Variants in DENND4C observed in about 807,000 individuals in gnomAD.
DENND4C encodes DENN domain containing 4C, also known as DENN domain-containing protein 4C.
In DENND4C, 108 loss-of-function variants were observed where a neutral mutation model predicts 203.0. The ratio of observed to expected loss-of-function variants is 0.53; its 90% confidence interval spans 0.46 to 0.62. The LOEUF is 0.62. Ranked by LOEUF, DENND4C falls within the 20% of genes least tolerant of loss-of-function variation. The pLI is 0.00. For missense variants in DENND4C, 2,481 were observed against 2,301.2 expected (o/e 1.08, Z -1.60); for synonymous variants, 871 against 792.4 (o/e 1.10, Z -1.67).
chr9:19,372,280 G>C lies in DENND4C; in HGVS notation c.*107G>C. On this transcript the variant is annotated 3_prime_UTR_variant, in exon 33 of 33. Transcript: ENST00000434457. The stretch of plus-strand genomic sequence containing the variant: ...CGTAAGAACTGGTGAATACGGAATT[G>C]AAGTAACTCTTGGGGACAATATATA... 2.2e-6 allele frequency: 3 copies of C among 1,344,898 alleles called. No homozygotes were observed. Among genetic ancestry groups the C allele is most frequent in the Non-Finnish European group, 3.1e-6 (3 of 980,282 alleles). 83.3% of individuals were successfully genotyped at this position (1,344,898 alleles called of 1,614,324 possible). A position where few individuals can be genotyped will look rare whatever the true frequency, so the allele number is the denominator to read the frequency against.
intron 25 of DENND4C, 122 bp downstream of exon 25, chr9:19,352,304 G>A: frequency 9.4e-7 from 1 of 1,062,562 alleles, no homozygotes; most frequent in Middle Eastern, 2.3e-4. Flanking sequence ...TCATTTTGTT[G>A]AATTTGCTTG....
chr9:19,295,331 C>G (rs537858000), intron 5 of DENND4C, among the ~76,000 whole-genome samples: 1 of 152,152 alleles, frequency 6.6e-6, no homozygotes, highest in Non-Finnish European at 1.5e-5. Context: ...CGGTGAAACC[C>G]TGTCTCTACT....
intron 1 of DENND4C, among the ~76,000 whole-genome samples, chr9:19,233,301 C>G (rs1245452571): frequency 1.3e-5 from 2 of 152,136 alleles, no homozygotes; most frequent in Non-Finnish European, 2.9e-5. Context: ...GTCAGTTTGA[C>G]AGACGTAGCA....
chr9:19,242,783 GTAGCTGGGACTA>G (rs1824103762), intron 1 of DENND4C, among the ~76,000 whole-genome samples: 1 of 151,986 alleles, frequency 6.6e-6, no homozygotes, highest in Non-Finnish European at 1.5e-5. Context: ...AGCCTTCTGA[GTAGCTGGGACTA>G]TAGGCGCATG....
chr9:19,350,928 CT>C (rs375833706), intron 24 of DENND4C, 49 bp downstream of exon 24: 122,673 of 1,035,276 alleles, frequency 0.12, 967 homozygotes, highest in African/African-American at 0.22. Flanking sequence ...ATAGTTTTTG[CT>C]TTTTTTTTTT....
At chr9:19,301,245 C>A (rs1838509339) in intron 9 of DENND4C, among the ~76,000 whole-genome samples, 1 of 151,856 alleles carries the variant, frequency 6.6e-6, no homozygotes, top group Non-Finnish European at 1.5e-5. Context: ...TTGTATAGAA[C>A]TTTAGATGGT....
intron 1 of DENND4C, among the ~76,000 whole-genome samples, chr9:19,268,099 G>A (rs1451334541): frequency 8.0e-6 from 1 of 124,668 alleles, no homozygotes; most frequent in East Asian, 2.5e-4. Context: ...GTAGGTTTTT[G>A]GGTATTTTTT....
At chr9:19,244,215 G>C (rs554966851) in intron 1 of DENND4C, among the ~76,000 whole-genome samples, 171 of 152,186 alleles carry the variant, frequency 1.1e-3, no homozygotes, top group Non-Finnish European at 2.0e-3. Context: ...ATTTTGAGTA[G>C]AGATGGGATT....
At position 19,346,704 on chromosome 9, in the gene DENND4C, C is replaced by T. The variant is rs762695521; in HGVS notation, c.3935C>T (p.Ser1312Phe). 28 of 1,614,020 alleles carry T rather than the reference C, an allele frequency of 1.7e-5. No individual in the cohort carries two copies. The highest frequency in any genetic ancestry group is 2.3e-5 in the Non-Finnish European group (27 of 1,180,034). The change falls in exon 23 of 33, where the codon TCT becomes TTT. Residue 1312 changes from serine (S) to phenylalanine (F), a missense_variant. Ser to Phe is a radical substitution (Grantham distance 155, BLOSUM62 -2). Coordinates refer to ENST00000434457, the MANE Select transcript of DENND4C (RefSeq NM_001330640.2). ...MELHREENRE[S>F]GMTTAFIHAL... ...TTACACAGAGAGGAAAACAGAGAGT[C>T]TGGCATGACTACTGCATTTATTCAT...
intron 5 of DENND4C, among the ~76,000 whole-genome samples, chr9:19,294,289 G>A (rs1010439991): frequency 3.3e-5 from 5 of 152,120 alleles, no homozygotes; most frequent in Middle Eastern, 3.4e-3. Flanking sequence ...ATCTAGTATA[G>A]GAAAGAGAGA....
intron 3 of DENND4C, among the ~76,000 whole-genome samples, chr9:19,287,966 C>G (rs1190175864): frequency 1.3e-5 from 2 of 152,178 alleles, no homozygotes; most frequent in Non-Finnish European, 2.9e-5. Context: ...GATCTCTTGA[C>G]CTTGTGATCC....
At chr9:19,250,530 A>G (rs531836962) in intron 1 of DENND4C, among the ~76,000 whole-genome samples, 153 of 152,212 alleles carry the variant, frequency 1.0e-3, no homozygotes, top group Non-Finnish European at 1.6e-3. Flanking sequence ...ACCCGACCCC[A>G]AAGTCTTAAC....
intron 1 of DENND4C, among the ~76,000 whole-genome samples, chr9:19,246,733 G>C (rs191462979): frequency 1.3e-5 from 2 of 150,388 alleles, no homozygotes; most frequent in African/African-American, 4.9e-5. Context: ...GTTTTTGTTT[G>C]TTTGTTTTAT....
rs762111402 is a variant in DENND4C at position 19,336,258 on chromosome 9, T to C, written c.2590-12T>C. 3 of 1,606,394 alleles carry C rather than the reference T, an allele frequency of 1.9e-6. No individual in the cohort carries two copies. The highest frequency in any genetic ancestry group is 8.5e-7 in the Non-Finnish European group (1 of 1,177,562). On this transcript the variant is annotated splice_polypyrimidine_tract_variant and intron_variant, in intron 18 of 32. Coordinates refer to ENST00000434457, the MANE Select transcript of DENND4C (RefSeq NM_001330640.2). ...CTAATGAACATTATTTTTACCCTTA[T>C]TTTACCTTTAGGTAGTCTTGGAGAG...
intron 26 of DENND4C, 86 bp from the exon 27 acceptor site, chr9:19,356,885 TA>T (rs1220870947): frequency 2.4e-6 from 3 of 1,241,730 alleles, no homozygotes; most frequent in Non-Finnish European, 3.4e-6. Context: ...ATGACTGCTT[TA>T]GCAATAAAAT....
At position 19,233,204 on chromosome 9, in the gene DENND4C, AAT is replaced by A. The variant is rs796783299; in HGVS notation, c.-18+2374_-18+2375del. On this transcript the variant is annotated intron_variant, in intron 1 of 32. Transcript: ENST00000434457. ...CTGTCATAATTTGAATTTCCAGTGT[AAT>A]ATGTTTGCTGAATAGCAAGGGCAGA... is the stretch of plus-strand genomic sequence containing the variant. Among the ~76,000 whole-genome samples, 10 of 152,168 alleles carry A rather than the reference AAT, an allele frequency of 6.6e-5. 1 individual carries two copies. The highest frequency in any genetic ancestry group is 2.4e-4 in the African/African-American group (10 of 41,536).
intron 21 of DENND4C, 118 bp downstream of exon 21, chr9:19,341,232 T>C: frequency 2.5e-6 from 2 of 797,664 alleles, no homozygotes; most frequent in Non-Finnish European, 3.7e-6. Flanking sequence ...GTCTGGCTCC[T>C]AAGATGCTGT....
chr9:19,346,403 A>G lies in DENND4C; in HGVS notation c.3634A>G (p.Ser1212Gly), dbSNP rs1202116661. ...TACATATGAGAGTCTACTAAGTGAT[A>G]GTAACAGTAATCAGTCCAGAGACTT... Reference protein sequence around the residue: ...VDTYESLLSDSNSNQSRDLKT... With the variant: ...VDTYESLLSDGNSNQSRDLKT... The change falls in exon 23 of 33, where the codon AGT becomes GGT. Residue 1212 changes from serine to glycine, a missense_variant. Transcript: ENST00000434457. 11 of 1,614,062 alleles carry G rather than the reference A, an allele frequency of 6.8e-6. No individual in the cohort carries two copies. Among genetic ancestry groups the G allele is most frequent in the Non-Finnish European group, 8.5e-6 (10 of 1,180,028 alleles).
chr9:19,357,425 T>G (rs754119049), intron 27 of DENND4C: 1 of 345,624 alleles, frequency 2.9e-6, no homozygotes, highest in Non-Finnish European at 5.3e-6. Context: ...ATTGCCAGTT[T>G]CCAGAGGCGA....
Sources: gnomAD v4.1 joint callset for allele counts (sites outside exome capture counted in the v4.1 genomes callset) on GRCh38, gnomAD v4.1.1 for gene constraint, MANE v1.5 for transcripts, NCBI Gene and HGNC (gene_info 2026-07-23, HGNC 2026-07-21) for gene names.